MINAR1: variants seen among roughly 807,000 people sequenced by gnomAD.
MINAR1 encodes the protein membrane integral NOTCH2 associated receptor 1.
In MINAR1, 40 loss-of-function variants were observed where a neutral mutation model predicts 65.1. That is an observed-to-expected ratio of 0.61 (90% CI 0.48 to 0.80). MINAR1 has a LOEUF of 0.80. Among genes scored for constraint, MINAR1 ranks in the 30% least tolerant of loss-of-function variants. The probability of loss-of-function intolerance (pLI) is 0.00; values close to 1 mark genes in which losing one functional copy is unlikely to be tolerated. For missense variants in MINAR1, 1,128 were observed against 1,148.0 expected (o/e 0.98, Z 0.25); for synonymous variants, 482 against 449.1 (o/e 1.07, Z -0.93).
At chr15:79,426,873 T>G in the MINAR1 span, 3 of 152,236 alleles carry the variant, frequency 2.0e-5, no homozygotes, top group Non-Finnish European at 4.4e-5. Context: ...CAGCATCACT[T>G]AGAAGTTTAT....
Position 79,468,828 on chromosome 15 carries a change from T to C in MINAR1, c.*444T>C, listed in dbSNP as rs535480279. On this transcript the variant is annotated 3_prime_UTR_variant, in exon 4 of 4. Coordinates refer to ENST00000305428, the MANE Select transcript of MINAR1 (RefSeq NM_015206.3). ...AAGAGGTGGCTTCTCTTTTCCATAA[T>C]GTTCTTAGACCATTGCTGGTGAAGT... 2 of 198,176 alleles carry C rather than the reference T, an allele frequency of 1.0e-5. No individual in the cohort carries two copies. Among genetic ancestry groups the C allele is most frequent in the East Asian group, 1.3e-4 (1 of 7,684 alleles). The allele number at this position is 198,176 out of a possible 1,614,324, so 12.3% of individuals were successfully genotyped here. A position where few individuals can be genotyped will look rare whatever the true frequency, so the allele number is the denominator to read the frequency against.
Position 79,441,544 on chromosome 15 carries a change from T to G in MINAR1, c.-51+9004T>G, listed in dbSNP as rs1861545796. On this transcript the variant is annotated intron_variant, in intron 1 of 3. Transcript: ENST00000305428. ...AAGAGAATATATTCATAAACTTTGT[T>G]TACATATATCTGATTATTTTCTTCA... Among the ~76,000 whole-genome samples, 2 of 152,304 alleles carry G rather than the reference T, an allele frequency of 1.3e-5. 1 individual carries two copies. Among genetic ancestry groups the G allele is most frequent in the Middle Eastern group, 6.8e-3 (2 of 294 alleles).
chr15:79,419,495 G>T, the MINAR1 span: 17 of 152,294 alleles, frequency 1.1e-4, no homozygotes, highest in East Asian at 3.3e-3. Context: ...GAGATACCAG[G>T]TTTCTTTTTC....
chr15:79,416,702 C>T, the MINAR1 span: 2 of 152,160 alleles, frequency 1.3e-5, no homozygotes, highest in South Asian at 2.1e-4. Context: ...TAACAATCGA[C>T]CCCTGAATCT....
chr15:79,470,596 A>G lies in MINAR1; in HGVS notation c.*2212A>G, dbSNP rs1411087982. 1 of 152,188 alleles carries G rather than the reference A, an allele frequency of 6.6e-6. No individual in the cohort carries two copies. Among genetic ancestry groups the G allele is most frequent in the African/African-American group, 2.4e-5 (1 of 41,440 alleles). 9.4% of individuals were successfully genotyped at this position (152,188 alleles called of 1,614,324 possible). A position where few individuals can be genotyped will look rare whatever the true frequency, so the allele number is the denominator to read the frequency against. ...ACCCCATTTGGGCATGTGCCTAGCTACCTTGGGAAGGCATGACTATAAGTC... is the reference window on the plus strand; with the variant it reads ...ACCCCATTTGGGCATGTGCCTAGCTGCCTTGGGAAGGCATGACTATAAGTC... On this transcript the variant is annotated 3_prime_UTR_variant, in exon 4 of 4. Transcript: ENST00000305428.
intron 1 of MINAR1, among the ~76,000 whole-genome samples, chr15:79,434,592 C>T (rs1231836306): frequency 6.6e-6 from 1 of 152,192 alleles, no homozygotes; most frequent in East Asian, 1.9e-4. Flanking sequence ...AGGCCCTGCT[C>T]TCTGCTCCAG....
rs1016021747 is a variant in MINAR1 at position 79,456,902 on chromosome 15, C to T, written c.755C>T (p.Ser252Phe). 3 of 1,614,112 alleles carry T rather than the reference C, an allele frequency of 1.9e-6. No homozygotes were observed. Among genetic ancestry groups the T allele is most frequent in the Non-Finnish European group, 2.5e-6 (3 of 1,180,024 alleles). ...AATGAGGAGCCATTTGTGGTCCAGT[C>T]CTGTGTCCAGAAAAGGAATATCTTC... ...ISNEEPFVVQ[S>F]CVQKRNIFKE... The change falls in exon 2 of 4, where the codon TCC becomes TTC. Residue 252 changes from serine to phenylalanine, a missense_variant. Ser to Phe is a radical substitution (Grantham distance 155). Coordinates refer to ENST00000305428, the MANE Select transcript of MINAR1 (RefSeq NM_015206.3).
the MINAR1 span, chr15:79,422,885 A>G: frequency 6.6e-6 from 1 of 152,346 alleles, no homozygotes; most frequent in Non-Finnish European, 1.5e-5. Context: ...GAGAGTGTAT[A>G]TTGGTGTAAC....
chr15:79,430,445 G>T (rs1894411356), upstream of MINAR1, among the ~76,000 whole-genome samples: 1 of 152,166 alleles, frequency 6.6e-6, no homozygotes, highest in Non-Finnish European at 1.5e-5. Context: ...GGTTTTGGGA[G>T]AAATATATAC....
the MINAR1 span, chr15:79,421,880 G>A: frequency 7.3e-6 from 1 of 136,436 alleles, no homozygotes. Flanking sequence ...GAAAAGGGTG[G>A]GTCGCCTGGT....
At chr15:79,460,635 C>T (rs1895611055) in intron 2 of MINAR1, among the ~76,000 whole-genome samples, 1 of 152,166 alleles carries the variant, frequency 6.6e-6, no homozygotes, top group Admixed American at 6.5e-5. Context: ...ATCTCATGGG[C>T]CACTGCTGCA....
At position 79,463,194 on chromosome 15, in the gene MINAR1, A is replaced by AC. The variant is rs1224086552; in HGVS notation, c.2431dup (p.Leu811ProfsTer23). 4 of 1,613,910 alleles carry AC rather than the reference A, an allele frequency of 2.5e-6. No homozygotes were observed. The highest frequency in any genetic ancestry group is 3.4e-6 in the Non-Finnish European group (4 of 1,180,032). On this transcript the variant is annotated frameshift_variant, in exon 3 of 4. Coordinates refer to ENST00000305428, the MANE Select transcript of MINAR1 (RefSeq NM_015206.3). LOFTEE classifies it high-confidence loss of function. Reference sequence around the variant, plus strand: ...TCCCTCAAGGCCCACATGAAGAGCAACCCCCTGTACACAGACATGCGGCTG... The same window carrying AC: ...TCCCTCAAGGCCCACATGAAGAGCAACCCCCCTGTACACAGACATGCGGCTG...
At position 79,470,752 on chromosome 15, in the gene MINAR1, C is replaced by G. The variant is rs112634233; in HGVS notation, c.*2368C>G. The G allele has an allele frequency of 6.6e-6, 1 of 152,278 alleles. No homozygotes were observed. Among genetic ancestry groups the G allele is most frequent in the South Asian group, 2.1e-4 (1 of 4,826 alleles). The allele number at this position is 152,278 out of a possible 1,614,324, so 9.4% of individuals were successfully genotyped here. A position where few individuals can be genotyped will look rare whatever the true frequency, so the allele number is the denominator to read the frequency against. On this transcript the variant is annotated 3_prime_UTR_variant, in exon 4 of 4. Coordinates refer to ENST00000305428, the MANE Select transcript of MINAR1 (RefSeq NM_015206.3). ...AAAATTCAACTCAACATTGTTGTCACGTAACGGAAACATCTAGACCTGGTA... is the reference window on the plus strand; with the variant it reads ...AAAATTCAACTCAACATTGTTGTCAGGTAACGGAAACATCTAGACCTGGTA...
At chr15:79,447,706 C>G (rs1303373098) in intron 1 of MINAR1, among the ~76,000 whole-genome samples, 2 of 152,130 alleles carry the variant, frequency 1.3e-5, no homozygotes, top group Admixed American at 1.3e-4. Context: ...ACATTAATTT[C>G]TTAGCTCAAG....
At position 79,456,741 on chromosome 15, in the gene MINAR1, G is replaced by C; in HGVS notation, c.594G>C (p.Leu198=). The C allele has an allele frequency of 6.2e-7, 1 of 1,614,186 alleles. No individual in the cohort carries two copies. Among genetic ancestry groups the C allele is most frequent in the Non-Finnish European group, 8.5e-7 (1 of 1,180,034 alleles). ...RAASLDRLQA[L]APYSVTSPQP... is the part of the protein sequence containing the mutation. ...CTTCCCTGGACAGGTTGCAGGCCCT[G>C]GCTCCGTACTCTGTGACCAGCCCTC... The change falls in exon 2 of 4, where the codon CTG becomes CTC. Residue 198 remains leucine, a synonymous_variant. Transcript: ENST00000305428.
the MINAR1 span, chr15:79,424,143 A>G: frequency 1.3e-5 from 2 of 152,214 alleles, no homozygotes; most frequent in South Asian, 4.1e-4. Flanking sequence ...ATGCCCATCA[A>G]TGCCGACCCT....
Position 79,456,995 on chromosome 15 carries a change from A to G in MINAR1, c.848A>G (p.Asn283Ser). The change falls in exon 2 of 4, where the codon AAT (asparagine) becomes AGT (serine). Residue 283 changes from asparagine (N) to serine (S), a missense_variant. By Grantham distance (46) the Asn-to-Ser change is conservative (BLOSUM62 1). Coordinates refer to ENST00000305428, the MANE Select transcript of MINAR1 (RefSeq NM_015206.3). ...SLVGPISKAE[N>S]EHREPQSRKE... Reference sequence around the variant, plus strand: ...GTTGGCCCCATCAGCAAAGCAGAGAATGAGCACAGGGAACCCCAGAGTCGA... The same window carrying G: ...GTTGGCCCCATCAGCAAAGCAGAGAGTGAGCACAGGGAACCCCAGAGTCGA... 3.1e-6 allele frequency: 5 copies of G among 1,614,172 alleles called. No homozygotes were observed. The highest frequency in any genetic ancestry group is 4.2e-6 in the Non-Finnish European group (5 of 1,180,026).
chr15:79,416,584 T>G, the MINAR1 span: 1 of 151,742 alleles, frequency 6.6e-6, no homozygotes, highest in African/African-American at 2.4e-5. Flanking sequence ...TCTTGTGGAG[T>G]TTGATCTCTT....
chr15:79,458,369 G>T lies in MINAR1; in HGVS notation c.2222G>T (p.Arg741Leu), dbSNP rs753895773. Residue 741 changes from arginine (R) to leucine (L), a missense_variant, in exon 2 of 4, where the codon CGT becomes CTT. Physicochemically the swap from Arg to Leu is moderately radical, Grantham distance 102. Transcript: ENST00000305428. ...TGGCGCACCATCACTTATACCAACC[G>T]TGTGGGCCTCAATGAGGAGGAGATA... is the stretch of plus-strand genomic sequence containing the variant. ...RDWRTITYTN[R>L]VGLNEEEIKD... 1.2e-6 allele frequency: 2 copies of T among 1,614,182 alleles called. No individual in the cohort carries two copies. Among genetic ancestry groups the T allele is most frequent in the Non-Finnish European group, 1.7e-6 (2 of 1,180,034 alleles).
Sources: allele counts gnomAD v4.1 joint callset (sites outside exome capture counted in the v4.1 genomes callset), GRCh38; gene constraint gnomAD v4.1.1; transcripts MANE v1.5; gene names NCBI Gene and HGNC (gene_info 2026-07-23, HGNC 2026-07-21).